The following HMGCLL1 variants were observed in gnomAD, a reference collection of about 807,000 sequenced individuals.
The protein encoded by HMGCLL1 is 3-hydroxy-3-methylglutaryl-CoA lyase like 1.
A neutral mutation model predicts 39.1 loss-of-function variants in HMGCLL1; 36 were observed. The observed-to-expected ratio is 0.92, with a 90% CI of 0.71 to 1.22. The LOEUF is 1.22. HMGCLL1 is among the 50% of genes most tolerant of loss of function. The pLI, the probability that HMGCLL1 is intolerant of heterozygous loss-of-function variation, is 0.00. For synonymous variants in HMGCLL1, 149 were observed against 144.0 expected, an observed-to-expected ratio of 1.03 and a Z score of -0.25; for missense variants, 451 against 416.5, an observed-to-expected ratio of 1.08 and a Z score of -0.72.
chr6:55,471,603 T>A (rs568774419), intron 7 of HMGCLL1, among the ~76,000 whole-genome samples: 1 of 151,914 alleles, frequency 6.6e-6, no homozygotes, highest in South Asian at 2.1e-4. Context: ...AGATTAATGT[T>A]GAACATATTT....
intron 3 of HMGCLL1, among the ~76,000 whole-genome samples, chr6:55,541,455 T>C (rs1017685175): frequency 6.6e-6 from 1 of 152,102 alleles, no homozygotes; most frequent in African/African-American, 2.4e-5. Flanking sequence ...CATAAAATGA[T>C]AAAGAAAGGG....
chr6:55,607,324 C>T, the HMGCLL1 span, among the ~76,000 whole-genome samples: 3 of 152,174 alleles, frequency 2.0e-5, no homozygotes, highest in Non-Finnish European at 2.9e-5. Context: ...TTTGGAAAAA[C>T]AATTACCAAT....
the HMGCLL1 span, among the ~76,000 whole-genome samples, chr6:55,627,636 A>C: frequency 6.6e-6 from 1 of 150,888 alleles, no homozygotes; most frequent in Non-Finnish European, 1.5e-5. Flanking sequence ...ATCCACCCTT[A>C]ATCTTGTGGG....
chr6:55,570,897 T>C (rs1771446984), intron 1 of HMGCLL1, among the ~76,000 whole-genome samples: 1 of 152,162 alleles, frequency 6.6e-6, no homozygotes, highest in African/African-American at 2.4e-5. Context: ...CTCACAATCA[T>C]GGTGGAAGGT....
the HMGCLL1 span, among the ~76,000 whole-genome samples, chr6:55,614,590 G>A: frequency 6.4e-4 from 97 of 152,092 alleles, 1 homozygote; most frequent in Middle Eastern, 0.01. Context: ...AATTTCTTCC[G>A]TTTATTAAAA....
At chr6:55,579,919 C>T (rs1280540877), upstream of HMGCLL1, among the ~76,000 whole-genome samples, 1 of 152,182 alleles carries the variant, frequency 6.6e-6, no homozygotes, top group Non-Finnish European at 1.5e-5. Context: ...ACCTTCCCCC[C>T]CTCACTTTCA....
chr6:55,613,551 C>A, the HMGCLL1 span, among the ~76,000 whole-genome samples: 26 of 152,024 alleles, frequency 1.7e-4, no homozygotes, highest in African/African-American at 6.0e-4. Context: ...ACTCAAAGGC[C>A]CATCAATGAT....
chr6:55,549,349 G>T (rs114546606), intron 1 of HMGCLL1, among the ~76,000 whole-genome samples: 2,481 of 149,378 alleles, frequency 0.017, 97 homozygotes, highest in African/African-American at 0.056. Flanking sequence ...TACGAAAATT[G>T]TTTTTGCCCC....
At chr6:55,493,683 T>A in intron 7 of HMGCLL1, among the ~76,000 whole-genome samples, 1 of 151,988 alleles carries the variant, frequency 6.6e-6, no homozygotes, top group East Asian at 1.9e-4. Context: ...CCACAACACA[T>A]ACACACCATT....
At chr6:55,640,083 AG>A in the HMGCLL1 span, among the ~76,000 whole-genome samples, 3 of 152,258 alleles carry the variant, frequency 2.0e-5, no homozygotes, top group African/African-American at 4.8e-5. Flanking sequence ...CATCTCAAAA[AG>A]AAAGAAGGAA....
intron 5 of HMGCLL1, among the ~76,000 whole-genome samples, chr6:55,501,969 A>C (rs576856073): frequency 6.6e-6 from 1 of 151,898 alleles, no homozygotes; most frequent in South Asian, 2.1e-4. Flanking sequence ...GTTCCAAATG[A>C]TTTCTACTTT....
At chr6:55,533,219 T>C (rs1768788077) in intron 3 of HMGCLL1, among the ~76,000 whole-genome samples, 2 of 151,880 alleles carry the variant, frequency 1.3e-5, no homozygotes, top group Admixed American at 1.3e-4. Flanking sequence ...GTATTCAGAA[T>C]ATTTATTATT....
chr6:55,541,864 T>A, intron 2 of HMGCLL1, 28 bp from the exon 3 acceptor site: 1 of 1,291,472 alleles, frequency 7.7e-7, no homozygotes, highest in South Asian at 1.3e-5. Context: ...ATTTTATAAG[T>A]AAATTGTATA....
chr6:55,622,525 A>G, the HMGCLL1 span, among the ~76,000 whole-genome samples: 5 of 152,058 alleles, frequency 3.3e-5, no homozygotes, highest in African/African-American at 4.8e-5. Flanking sequence ...AGTTGAGATG[A>G]TCATATAGTT....
chr6:55,530,703 G>T (rs942635822), intron 3 of HMGCLL1, among the ~76,000 whole-genome samples: 1 of 151,736 alleles, frequency 6.6e-6, no homozygotes, highest in South Asian at 2.1e-4. Context: ...TGTGATATTC[G>T]GGATACAATA....
At chr6:55,518,972 T>C (rs558998132) in intron 3 of HMGCLL1, among the ~76,000 whole-genome samples, 1 of 152,186 alleles carries the variant, frequency 6.6e-6, no homozygotes, top group South Asian at 2.1e-4. Flanking sequence ...GAAAAACCAA[T>C]AGGGTTGGAA....
intron 7 of HMGCLL1, among the ~76,000 whole-genome samples, chr6:55,441,089 G>A (rs1404794614): frequency 1.4e-5 from 2 of 147,450 alleles, no homozygotes; most frequent in Non-Finnish European, 3.1e-5. Context: ...GCAGGAGAGA[G>A]AGACTGTGCT....
chr6:55,495,429 G>A lies in HMGCLL1; in HGVS notation c.785C>T (p.Thr262Met), dbSNP rs201456410. Reference protein sequence around the residue: ...TYGQALANILTALQMGINVVD... With the variant: ...TYGQALANILMALQMGINVVD... ...AAGAGTACAAAATACCTGAAGGGCC[G>A]TAAGGATATTTGCTAAGGCTTGTCC... The change falls in exon 7 of 9, where the codon ACG becomes ATG. Residue 262 changes from threonine to methionine, a missense_variant. Coordinates refer to ENST00000274901, the MANE Select transcript of HMGCLL1 (RefSeq NM_001042406.2). 1.2e-4 allele frequency: 191 copies of A among 1,613,154 alleles called. No homozygotes were observed. The highest frequency in any genetic ancestry group is 2.5e-4 in the Admixed American group (15 of 59,854).
chr6:55,494,002 T>G (rs1370932785), intron 7 of HMGCLL1, among the ~76,000 whole-genome samples: 1 of 152,078 alleles, frequency 6.6e-6, no homozygotes, highest in Non-Finnish European at 1.5e-5. Context: ...CCTCCCAAAG[T>G]GCTGGGATTA....
Sources: gnomAD v4.1 joint callset for allele counts (sites outside exome capture counted in the v4.1 genomes callset) on GRCh38, gnomAD v4.1.1 for gene constraint, MANE v1.5 for transcripts, NCBI Gene and HGNC (gene_info 2026-07-23, HGNC 2026-07-21) for gene names.